Variants in RP1 observed in about 807,000 individuals in gnomAD.
The protein encoded by RP1 is RP1 axonemal microtubule associated.
RP1 carries 16 observed loss-of-function variants against 14.8 expected under a neutral mutation model. The ratio of observed to expected loss-of-function variants is 1.08; its 90% CI spans 0.73 to 1.65. The LOEUF is 1.65. Ranked by LOEUF, RP1 falls within the 40% of genes most tolerant of loss-of-function variation. RP1 has a pLI of 0.00. For missense variants in RP1, 2,631 were observed against 2,535.0 expected, an observed-to-expected ratio of 1.04 and a Z score of -0.81; for synonymous variants, 876 against 883.6, an observed-to-expected ratio of 0.99 and a Z score of 0.15.
chr8:54,863,351 T>C (rs1223593012), intron 27 of RP1, among the ~76,000 whole-genome samples: 1 of 152,210 alleles, frequency 6.6e-6, no homozygotes, highest in East Asian at 1.9e-4. Context: ...AGGTGTGTAG[T>C]AGACGATACC....
rs532957888 is a variant in RP1, at chr8:54,799,302, A to G, written c.3615+15592A>G. Among the ~76,000 whole-genome samples, 13 of 152,170 alleles carry G rather than the reference A, an allele frequency of 8.5e-5. No homozygotes were observed. In the South Asian group the frequency reaches 2.7e-3, roughly 32 times the overall value. The stretch of plus-strand genomic sequence containing the variant: ...ATTCATTCAAAAAACATTTATTGCG[A>G]TCTGTTCTTTACCAAATACCATAAC... On this transcript the variant is annotated intron_variant, in intron 24 of 28. Coordinates refer to the RP1 transcript ENST00000637698.
intron 24 of RP1, among the ~76,000 whole-genome samples, chr8:54,793,081 C>T (rs967801292): frequency 1.3e-5 from 2 of 151,588 alleles, no homozygotes; most frequent in Non-Finnish European, 3.0e-5. Flanking sequence ...AATTGAATAA[C>T]CTAGAGAAAA....
chr8:54,559,560 G>A (rs562127051), intron 1 of RP1, among the ~76,000 whole-genome samples: 4 of 152,142 alleles, frequency 2.6e-5, no homozygotes, highest in Non-Finnish European at 5.9e-5. Flanking sequence ...TTTTTCCTGT[G>A]AGGCATTTTT....
intron 12 of RP1, among the ~76,000 whole-genome samples, chr8:54,685,411 A>C (rs962376146): frequency 2.0e-5 from 3 of 152,062 alleles, no homozygotes; most frequent in Non-Finnish European, 4.4e-5. Flanking sequence ...TTCGTTATTT[A>C]CCCAGGATTC....
In RP1 at chr8:54,805,107, A is replaced by G. The variant is rs563436812; in HGVS notation, c.3615+21397A>G. On this transcript the variant is annotated intron_variant, in intron 24 of 28. Transcript: ENST00000637698. ...GAATCAACAACACTGGCAGTGCCTG[A>G]ATTTTGAGAGAAATCTGAACAAAAC... Among the ~76,000 whole-genome samples the G allele has an allele frequency of 3.9e-5, 6 of 152,332 alleles. No homozygotes were observed. The South Asian group carries it at 1.2e-3, about 32-fold the overall frequency.
chr8:54,846,406 T>C (rs942017668), intron 25 of RP1, among the ~76,000 whole-genome samples: 1 of 152,242 alleles, frequency 6.6e-6, no homozygotes. Context: ...GATTATAGTC[T>C]ACAGCCCTTC....
At chr8:54,699,032 TATA>T (rs1163378829) in intron 12 of RP1, among the ~76,000 whole-genome samples, 1 of 152,088 alleles carries the variant, frequency 6.6e-6, no homozygotes, top group African/African-American at 2.4e-5. Context: ...GAACTTAAAG[TATA>T]ATAAAATAAA....
chr8:54,592,956 C>T (rs1236391309), intron 1 of RP1, among the ~76,000 whole-genome samples: 3 of 152,116 alleles, frequency 2.0e-5, no homozygotes, highest in Admixed American at 6.5e-5. Context: ...GGGTCTAAAC[C>T]GATCAGCTGG....
chr8:54,869,880 C>A (rs139484699), exon 29 of RP1: 4 of 1,231,478 alleles, frequency 3.2e-6, no homozygotes, highest in African/African-American at 1.6e-5. Flanking sequence ...CAAGACCCAG[C>A]GGGAATTGCT....
intron 24 of RP1, among the ~76,000 whole-genome samples, chr8:54,808,478 G>C (rs771648219): frequency 6.6e-6 from 1 of 152,152 alleles, no homozygotes; most frequent in Non-Finnish European, 1.5e-5. Flanking sequence ...TTAATACTGA[G>C]GTTGCTAGCA....
chr8:54,742,005 A>G (rs931129552), intron 19 of RP1, among the ~76,000 whole-genome samples: 24 of 151,910 alleles, frequency 1.6e-4, no homozygotes, highest in African/African-American at 5.8e-4. Context: ...GGCTCGATCA[A>G]GTTAAGTAAT....
At chr8:54,832,099 G>A (rs1811543743) in intron 24 of RP1, among the ~76,000 whole-genome samples, 1 of 151,502 alleles carries the variant, frequency 6.6e-6, no homozygotes, top group African/African-American at 2.4e-5. Flanking sequence ...CTTTTCATCA[G>A]TTACTATGAT....
At chr8:54,861,336 G>A (rs1028040456) in intron 27 of RP1, among the ~76,000 whole-genome samples, 1 of 152,096 alleles carries the variant, frequency 6.6e-6, no homozygotes, top group Admixed American at 6.6e-5. Context: ...AATCATGTGG[G>A]GATACTTGAA....
intron 15 of RP1, among the ~76,000 whole-genome samples, chr8:54,708,361 T>C (rs908884836): frequency 6.6e-6 from 1 of 151,538 alleles, no homozygotes; most frequent in South Asian, 2.1e-4. Context: ...TGGTTTTTTT[T>C]TTTTTTCTTT....
intron 28 of RP1, chr8:54,865,982 C>T: frequency 1.5e-6 from 1 of 653,340 alleles, no homozygotes. Flanking sequence ...CACCTGTGTC[C>T]TCCAGCATGC....
chr8:54,631,458 G>T (rs1027372336), downstream of RP1, among the ~76,000 whole-genome samples: 2 of 151,954 alleles, frequency 1.3e-5, no homozygotes, highest in Non-Finnish European at 2.9e-5. Flanking sequence ...GTGTACCAGG[G>T]ACTGTGGTAC....
chr8:54,850,692 A>G (rs1259600178), intron 25 of RP1, among the ~76,000 whole-genome samples: 1 of 152,254 alleles, frequency 6.6e-6, no homozygotes, highest in East Asian at 1.9e-4. Context: ...AGTTAGATAA[A>G]GAAGAATTTC....
chr8:54,814,966 A>ACTGCAGAGG (rs1811104637), intron 24 of RP1, among the ~76,000 whole-genome samples: 1 of 152,232 alleles, frequency 6.6e-6, no homozygotes, highest in Non-Finnish European at 1.5e-5. Context: ...CCGAGATTGC[A>ACTGCAGAGG]CCACTGCACT....
At position 54,837,630 on chromosome 8, in the gene RP1, GA is replaced by G. The variant is rs1811692500; in HGVS notation, c.3799del (p.Ile1267TyrfsTer25). The stretch of plus-strand genomic sequence containing the variant: ...TGAAAATGATGGCGATCTATGGAAG[GA>G]AATACCCATCATGGGACCAAAGAAA... On this transcript the variant is annotated frameshift_variant, in exon 25 of 29. Coordinates refer to the RP1 transcript ENST00000637698. LOFTEE classifies it high-confidence loss of function. The G allele has an allele frequency of 1.3e-5, 16 of 1,231,996 alleles. No individual in the cohort carries two copies. In the East Asian group the frequency reaches 5.0e-4, roughly 39 times the overall value. The allele number at this position is 1,231,996 out of a possible 1,614,324, so 76.3% of individuals were successfully genotyped here.
Sources: allele counts gnomAD v4.1 joint callset (sites outside exome capture counted in the v4.1 genomes callset), GRCh38; gene constraint gnomAD v4.1.1; transcripts MANE v1.5; gene names NCBI Gene and HGNC (gene_info 2026-07-23, HGNC 2026-07-21).